SYTL5: variants seen among roughly 807,000 people sequenced by gnomAD.
The protein encoded by SYTL5 is synaptotagmin like 5.
A neutral mutation model predicts 55.9 loss-of-function variants in SYTL5; 34 were observed. The ratio of observed to expected loss-of-function variants is 0.61; its 90% CI spans 0.46 to 0.81. The LOEUF (loss-of-function observed/expected upper bound fraction) is 0.81, where lower values mean the gene tolerates loss of function less well. Among genes scored for constraint, SYTL5 ranks in the 30% least tolerant of loss-of-function variants. The pLI is 0.00. For missense variants in SYTL5, 637 were observed against 546.7 expected (o/e 1.17, Z -1.65); for synonymous variants, 221 against 188.7 (o/e 1.17, Z -1.40).
intron 2 of SYTL5, among the ~76,000 whole-genome samples, chrX:38,047,221 C>G (rs1935489263): frequency 8.9e-6 from 1 of 112,862 alleles, no homozygotes; most frequent in Non-Finnish European, 1.9e-5. Context: ...CCCCACATTT[C>G]CCTTCCATAC....
At chrX:38,017,441 A>G (rs1312764528) in intron 1 of SYTL5, among the ~76,000 whole-genome samples, 3 of 110,702 alleles carry the variant, frequency 2.7e-5, no homozygotes, top group Non-Finnish European at 5.7e-5. Context: ...TGAAATGTGA[A>G]CTTAGCAATG....
At chrX:37,915,063 A>G in the SYTL5 span, among the ~76,000 whole-genome samples, 1 of 111,227 alleles carries the variant, frequency 9.0e-6, no homozygotes, top group Non-Finnish European at 1.9e-5. Flanking sequence ...GAAGCTGCCC[A>G]TTGCTCTTTG....
chrX:37,928,724 T>A, the SYTL5 span, among the ~76,000 whole-genome samples: 1 of 112,089 alleles, frequency 8.9e-6, no homozygotes, highest in African/African-American at 3.2e-5. Flanking sequence ...TTCTAAGAAG[T>A]CCAAAATCAA....
the SYTL5 span, among the ~76,000 whole-genome samples, chrX:37,966,869 G>A: frequency 1.8e-5 from 2 of 111,654 alleles, no homozygotes; most frequent in South Asian, 3.7e-4. Context: ...CTTGACCATC[G>A]AATTTTATGC....
At chrX:38,043,078 A>G (rs1332656148) in intron 2 of SYTL5, among the ~76,000 whole-genome samples, 1 of 111,923 alleles carries the variant, frequency 8.9e-6, no homozygotes, top group African/African-American at 3.2e-5. Context: ...TAATGAAAAT[A>G]TTTAATGCAA....
chrX:37,948,538 T>C, the SYTL5 span, among the ~76,000 whole-genome samples: 2 of 110,253 alleles, frequency 1.8e-5, no homozygotes, highest in Non-Finnish European at 3.8e-5. Context: ...TATTTTTATA[T>C]ATATTTAGAG....
At chrX:37,905,319 G>A in the SYTL5 span, among the ~76,000 whole-genome samples, 1 of 109,664 alleles carries the variant, frequency 9.1e-6, no homozygotes, top group Non-Finnish European at 1.9e-5. Flanking sequence ...AGTAACTTGT[G>A]CCTTGGCTGT....
At chrX:38,088,388 C>T (rs1936710291) in intron 6 of SYTL5, among the ~76,000 whole-genome samples, 1 of 111,979 alleles carries the variant, frequency 8.9e-6, no homozygotes, top group Non-Finnish European at 1.9e-5. Flanking sequence ...GCATTTGTAA[C>T]TCATTAAGAC....
At chrX:37,917,554 A>G in the SYTL5 span, among the ~76,000 whole-genome samples, 1 of 112,068 alleles carries the variant, frequency 8.9e-6, no homozygotes, top group Non-Finnish European at 1.9e-5. Flanking sequence ...CTATTCATCT[A>G]TCTCTTTCCA....
At chrX:38,085,260 C>T (rs748459727) in intron 6 of SYTL5, among the ~76,000 whole-genome samples, 3 of 111,690 alleles carry the variant, frequency 2.7e-5, no homozygotes, top group African/African-American at 9.8e-5. Context: ...TTGGAATCAC[C>T]TGGGGAGTTT....
the SYTL5 span, among the ~76,000 whole-genome samples, chrX:37,976,718 C>G: frequency 1.8e-5 from 2 of 109,163 alleles, no homozygotes; most frequent in Non-Finnish European, 3.8e-5. Flanking sequence ...CGCCTGTAAT[C>G]CCAGCACTTT....
At chrX:38,107,320 A>G (rs972763353) in intron 11 of SYTL5, among the ~76,000 whole-genome samples, 11 of 111,809 alleles carry the variant, frequency 9.8e-5, no homozygotes, top group African/African-American at 3.6e-4. Flanking sequence ...ATCAGCAAAG[A>G]GGCACATGGG....
chrX:37,991,903 G>A, the SYTL5 span, among the ~76,000 whole-genome samples: 1 of 112,236 alleles, frequency 8.9e-6, no homozygotes, highest in Non-Finnish European at 1.9e-5. Flanking sequence ...AGCTAGTGCT[G>A]TGAATATATC....
chrX:37,930,806 C>T, the SYTL5 span, among the ~76,000 whole-genome samples: 3 of 112,303 alleles, frequency 2.7e-5, no homozygotes, highest in African/African-American at 9.7e-5. Context: ...GTAACAACCA[C>T]AAAATCTCTG....
chrX:37,956,153 A>G, the SYTL5 span, among the ~76,000 whole-genome samples: 222 of 112,292 alleles, frequency 2.0e-3, 2 homozygotes, highest in African/African-American at 6.3e-3. Flanking sequence ...AGAATTCTAC[A>G]TCTATACTTG....
chrX:37,918,975 C>T, the SYTL5 span, among the ~76,000 whole-genome samples: 1 of 109,175 alleles, frequency 9.2e-6, no homozygotes, highest in African/African-American at 3.4e-5. Context: ...GTGTGTTTAG[C>T]TTTCTAGCAT....
the SYTL5 span, chrX:37,906,130 T>C: frequency 8.9e-6 from 1 of 112,446 alleles, no homozygotes; most frequent in Non-Finnish European, 1.9e-5. Flanking sequence ...ACCAGCTGCC[T>C]CTCCGTCTAG....
chrX:38,023,239 C>A (rs973679755), intron 1 of SYTL5, among the ~76,000 whole-genome samples: 2 of 112,104 alleles, frequency 1.8e-5, no homozygotes, highest in Middle Eastern at 4.6e-3. Context: ...TCTCCATCTT[C>A]CCTATTGTTT....
chrX:38,122,241 A>T (rs762920534), intron 15 of SYTL5, 26 bp downstream of exon 15: 9 of 1,180,762 alleles, frequency 7.6e-6, no homozygotes, highest in Non-Finnish European at 9.2e-6. Flanking sequence ...CTCTTTTTGG[A>T]TGATACTTAA....
Sources: gnomAD v4.1 joint callset for allele counts (sites outside exome capture counted in the v4.1 genomes callset) on GRCh38, gnomAD v4.1.1 for gene constraint, MANE v1.5 for transcripts, NCBI Gene and HGNC (gene_info 2026-07-23, HGNC 2026-07-21) for gene names.